DCAF6: variants seen among roughly 807,000 people sequenced by gnomAD.
The protein encoded by DCAF6 is DDB1- and CUL4-associated factor 6.
A neutral mutation model predicts 125.1 loss-of-function variants in DCAF6; 54 were observed. The ratio of observed to expected loss-of-function variants is 0.43; its 90% CI spans 0.35 to 0.54. DCAF6 has a LOEUF of 0.54. Among genes scored for constraint, DCAF6 ranks in the 20% least tolerant of loss-of-function variants. The pLI is 0.01. For missense variants in DCAF6, 934 were observed against 1,161.7 expected (o/e 0.80, Z 2.85); for synonymous variants, 371 against 390.4 (o/e 0.95, Z 0.58).
chr1:167,920,578 G>C, the DCAF6 span: 1 of 1,613,956 alleles, frequency 6.2e-7, no homozygotes. Flanking sequence ...ATTGAGCTGT[G>C]CTAAGTTTTT....
chr1:167,937,041 G>A lies in DCAF6; in HGVS notation c.97+33G>A, dbSNP rs372884574. On this transcript the variant is annotated intron_variant, in intron 1 of 21. Coordinates refer to ENST00000367840, the MANE Select transcript of DCAF6 (RefSeq NM_001198956.2). ...GGGGCCCCGGGGCGGAGGCGCTGAG[G>A]TCGCCGCCTAGAGTGGGGGAGGGGG... 13 of 1,572,022 alleles carry A rather than the reference G, an allele frequency of 8.3e-6. No individual in the cohort carries two copies. In the African/African-American group the frequency reaches 1.2e-4, roughly 15 times the overall value.
chr1:167,948,776 C>T (rs915285795), intron 1 of DCAF6, among the ~76,000 whole-genome samples: 10 of 152,226 alleles, frequency 6.6e-5, no homozygotes, highest in East Asian at 3.9e-4. Flanking sequence ...CTCAGCCTCC[C>T]GAGTAGCTGG....
rs1231123281 is a variant in DCAF6, at chr1:168,015,871, T to C, written c.1469T>C (p.Leu490Pro). ...GCTGAGCAGCAGAGGCAGCAAGAGC[T>C]AGCTGCACATACCCAGCAACAGCCT... ...KKAEQQRQQE[L>P]AAHTQQQPST... The change falls in exon 11 of 22, where the codon CTA (leucine) becomes CCA (proline). Residue 490 changes from leucine to proline, a missense_variant. Leu to Pro is a moderately conservative substitution (Grantham distance 98, BLOSUM62 -3). Transcript: ENST00000367840. The C allele has an allele frequency of 1.3e-6, 2 of 1,545,180 alleles. No individual in the cohort carries two copies. Among genetic ancestry groups the C allele is most frequent in the Non-Finnish European group, 8.7e-7 (1 of 1,144,280 alleles).
intron 4 of DCAF6, among the ~76,000 whole-genome samples, chr1:167,986,339 C>T (rs1680003974): frequency 6.6e-6 from 1 of 152,202 alleles, no homozygotes; most frequent in South Asian, 2.1e-4. Context: ...CGTAACTCCA[C>T]ATCCTCATCA....
At chr1:167,951,995 T>C in intron 2 of DCAF6, 134 bp downstream of exon 2, 2 of 538,254 alleles carry the variant, frequency 3.7e-6, no homozygotes, top group Non-Finnish European at 6.4e-6. Context: ...CATTAAAATA[T>C]AAAATTATAT....
chr1:167,962,872 T>G (rs1470935204), intron 2 of DCAF6, among the ~76,000 whole-genome samples: 1 of 152,206 alleles, frequency 6.6e-6, no homozygotes, highest in Non-Finnish European at 1.5e-5. Flanking sequence ...GGAGAATTGC[T>G]TGAACCCAGG....
chr1:167,872,717 A>G, the DCAF6 span, among the ~76,000 whole-genome samples: 2 of 150,136 alleles, frequency 1.3e-5, no homozygotes, highest in African/African-American at 4.9e-5. Flanking sequence ...AGGTATGTGG[A>G]CCTGATCTTT....
At chr1:167,953,943 G>A (rs184096328) in intron 2 of DCAF6, among the ~76,000 whole-genome samples, 27 of 152,084 alleles carry the variant, frequency 1.8e-4, no homozygotes, top group African/African-American at 2.2e-4. Flanking sequence ...CTCTGCTTTC[G>A]TACTTCATTG....
the DCAF6 span, chr1:167,924,334 C>T: frequency 3.9e-6 from 2 of 512,778 alleles, no homozygotes. Context: ...TAGATAGTTG[C>T]TTTATGTAGA....
chr1:167,920,472 A>G, the DCAF6 span: 1 of 1,464,460 alleles, frequency 6.8e-7, no homozygotes. Flanking sequence ...CTAAGCCACT[A>G]AATAAACTGA....
At chr1:167,964,613 CATT>C (rs1216702901) in intron 2 of DCAF6, among the ~76,000 whole-genome samples, 1 of 152,124 alleles carries the variant, frequency 6.6e-6, no homozygotes, top group Non-Finnish European at 1.5e-5. Flanking sequence ...AATTATCAGT[CATT>C]ATTATTTCAG....
rs977522895 is a variant in DCAF6, at chr1:168,015,107, A to G, written c.1379-674A>G. On this transcript the variant is annotated intron_variant, in intron 10 of 21. Transcript: ENST00000367840. ...TTATTTATCCCTAGAGCCTAAAACA[A>G]TGCCTCATACATAGAAGACATTCAG... 4.6e-5 allele frequency among the ~76,000 whole-genome samples: 7 copies of G among 152,234 alleles called. No individual in the cohort carries two copies. In the East Asian group the frequency reaches 1.3e-3, roughly 29 times the overall value.
intron 10 of DCAF6, among the ~76,000 whole-genome samples, chr1:168,012,026 C>T (rs1557975424): frequency 6.6e-6 from 1 of 151,936 alleles, no homozygotes; most frequent in Non-Finnish European, 1.5e-5. Context: ...GGTCAATGGC[C>T]ATTTTTGGGG....
the DCAF6 span, chr1:167,880,189 G>A: frequency 1.2e-6 from 2 of 1,612,498 alleles, no homozygotes; most frequent in South Asian, 1.1e-5. Flanking sequence ...GATGGATACA[G>A]TTCTGGTGCA....
chr1:167,926,588 TTGCCCCAACTGTGG>T, the DCAF6 span, among the ~76,000 whole-genome samples: 1 of 152,234 alleles, frequency 6.6e-6, no homozygotes, highest in Non-Finnish European at 1.5e-5. Flanking sequence ...GCATTTTTAG[TTGCCCCAACTGTGG>T]TGCCCCAACT....
the DCAF6 span, chr1:167,896,608 A>G: frequency 6.2e-7 from 1 of 1,612,520 alleles, no homozygotes; most frequent in East Asian, 2.2e-5. Flanking sequence ...TGTGCTCACC[A>G]GAAGGATAAT....
chr1:168,071,948 T>G (rs1322630811), intron 21 of DCAF6, among the ~76,000 whole-genome samples: 1 of 152,114 alleles, frequency 6.6e-6, no homozygotes, highest in Non-Finnish European at 1.5e-5. Context: ...TCTGCCCAAC[T>G]TTGCCCCCAG....
chr1:167,922,961 A>G, the DCAF6 span, among the ~76,000 whole-genome samples: 1 of 152,216 alleles, frequency 6.6e-6, no homozygotes, highest in African/African-American at 2.4e-5. Flanking sequence ...GTTCAGCATG[A>G]CTAATCATTA....
intron 12 of DCAF6, among the ~76,000 whole-genome samples, chr1:168,028,696 G>A (rs1429599565): frequency 2.0e-5 from 3 of 152,128 alleles, no homozygotes; most frequent in South Asian, 4.1e-4. Context: ...TACTAAGGTA[G>A]ATTGGGAAAT....
Sources: allele counts gnomAD v4.1 joint callset (sites outside exome capture counted in the v4.1 genomes callset), GRCh38; gene constraint gnomAD v4.1.1; transcripts MANE v1.5; gene names NCBI Gene and HGNC (gene_info 2026-07-23, HGNC 2026-07-21).